PHF20: variants seen among roughly 807,000 people sequenced by gnomAD.
The protein encoded by PHF20 is PHD finger protein 20, also known as glioma-expressed antigen 2.
A neutral mutation model predicts 113.5 loss-of-function variants in PHF20; 23 were observed. That is an observed-to-expected ratio of 0.20 (90% CI 0.15 to 0.29). The LOEUF is 0.29. PHF20 is among the 10% of genes least tolerant of loss of function. PHF20 has a pLI of 1.00. For synonymous variants in PHF20, 434 were observed against 457.3 expected (o/e 0.95, Z 0.65); for missense variants, 943 against 1,219.6 (o/e 0.77, Z 3.38).
At chr20:35,913,903 C>G in intron 11 of PHF20, 130 bp from the exon 12 acceptor site, 1 of 825,590 alleles carries the variant, frequency 1.2e-6, no homozygotes, top group Non-Finnish European at 1.9e-6. Context: ...CTCCACACCT[C>G]TTTTTGGTTG....
At chr20:35,832,075 C>G (rs1362347942) in intron 2 of PHF20, among the ~76,000 whole-genome samples, 3 of 152,162 alleles carry the variant, frequency 2.0e-5, no homozygotes, top group Non-Finnish European at 4.4e-5. Flanking sequence ...TCCTTGTCCT[C>G]TTTTTTGCCT....
chr20:35,871,217 C>G, intron 8 of PHF20, 83 bp downstream of exon 8: 1 of 1,100,500 alleles, frequency 9.1e-7, no homozygotes, highest in Admixed American at 2.3e-5. Context: ...GTTCTGCCTT[C>G]CACAAGTATT....
intron 6 of PHF20, among the ~76,000 whole-genome samples, chr20:35,866,433 C>A (rs1289406021): frequency 6.6e-6 from 1 of 152,124 alleles, no homozygotes; most frequent in Non-Finnish European, 1.5e-5. Context: ...GAAAATATAT[C>A]TCTGTTCAGA....
In PHF20 at chr20:35,941,524, C is replaced by T. The variant is rs2055979492; in HGVS notation, c.2896+477C>T. ...ATTTGCCTGAGTCATTTGTATAGCC[C>T]TGAGTATTCCTTCCAGATATTGGTG... On this transcript the variant is annotated intron_variant, in intron 17 of 17. Coordinates refer to ENST00000374012, the MANE Select transcript of PHF20 (RefSeq NM_016436.5). Among the ~76,000 whole-genome samples, 2 of 152,190 alleles carry T rather than the reference C, an allele frequency of 1.3e-5. 1 individual carries two copies. Among genetic ancestry groups the T allele is most frequent in the Non-Finnish European group, 2.9e-5 (2 of 68,042 alleles).
chr20:35,922,564 T>C (rs983696215), intron 13 of PHF20, among the ~76,000 whole-genome samples: 1 of 152,224 alleles, frequency 6.6e-6, no homozygotes, highest in Non-Finnish European at 1.5e-5. Context: ...TTTTATCTTA[T>C]TTACCAGTGC....
intron 9 of PHF20, among the ~76,000 whole-genome samples, chr20:35,896,876 C>T (rs975423657): frequency 1.3e-5 from 2 of 150,094 alleles, no homozygotes; most frequent in South Asian, 4.2e-4. Flanking sequence ...TTGCCTTCTG[C>T]TTATTTGTCT....
At chr20:35,837,246 A>G (rs2042459471) in intron 2 of PHF20, among the ~76,000 whole-genome samples, 1 of 152,218 alleles carries the variant, frequency 6.6e-6, no homozygotes, top group South Asian at 2.1e-4. Flanking sequence ...TTTTACTTAT[A>G]CAAGTAATAT....
intron 1 of PHF20, among the ~76,000 whole-genome samples, chr20:35,791,531 AAT>A (rs2041553721): frequency 7.6e-6 from 1 of 131,228 alleles, no homozygotes; most frequent in Non-Finnish European, 1.5e-5. Flanking sequence ...TATATCTTAG[AAT>A]AGTGTATATA....
chr20:35,926,260 C>T (rs1311548067), intron 13 of PHF20, among the ~76,000 whole-genome samples: 229 of 83,764 alleles, frequency 2.7e-3, no homozygotes, highest in Middle Eastern at 0.015. Context: ...TTTTTTGAGA[C>T]GGAGTCTCGC....
Position 35,913,343 on chromosome 20 carries a change from A to G in PHF20, c.1656A>G (p.Lys552=). ...AAAAGAAAAAGAAAAAGAAAACCAA[A>G]CCTGGTAATTTTTTTTCCTGAGGGT... is the stretch of plus-strand genomic sequence containing the variant. ...KKKKKKKKKT[K]PECPCSEEIS... The change falls in exon 11 of 18, where the codon AAA becomes AAG. Residue 552 remains lysine (K), a synonymous_variant. Transcript: ENST00000374012. The G allele has an allele frequency of 6.3e-7, 1 of 1,584,320 alleles. No homozygotes were observed.
intron 9 of PHF20, among the ~76,000 whole-genome samples, chr20:35,876,720 T>C (rs113344726): frequency 0.05 from 7,378 of 146,938 alleles, 229 homozygotes; most frequent in African/African-American, 0.1. Context: ...CCTGTAATTC[T>C]AGCACTTTGG....
chr20:35,833,505 A>G (rs2042388481), intron 2 of PHF20, among the ~76,000 whole-genome samples: 1 of 152,148 alleles, frequency 6.6e-6, no homozygotes, highest in African/African-American at 2.4e-5. Context: ...TCACTGGTTT[A>G]TTTTGATGAT....
chr20:35,811,946 T>C (rs1168548895), intron 2 of PHF20, among the ~76,000 whole-genome samples: 2 of 151,356 alleles, frequency 1.3e-5, no homozygotes, highest in Non-Finnish European at 2.9e-5. Flanking sequence ...AATTTTTTTG[T>C]ATTTTTTTAA....
At chr20:35,845,394 C>A in intron 3 of PHF20, 1 of 396,064 alleles carries the variant, frequency 2.5e-6, no homozygotes, top group South Asian at 1.8e-5. Context: ...GAGACGTTTT[C>A]TTGCTCTGTC....
At chr20:35,881,303 C>A (rs969921226) in intron 9 of PHF20, among the ~76,000 whole-genome samples, 1 of 151,844 alleles carries the variant, frequency 6.6e-6, no homozygotes, top group African/African-American at 2.4e-5. Flanking sequence ...GGTGATCCAC[C>A]CACCTTGGCC....
At chr20:35,818,658 C>T (rs112273033) in intron 2 of PHF20, among the ~76,000 whole-genome samples, 7,274 of 152,216 alleles carry the variant, frequency 0.048, 213 homozygotes, top group African/African-American at 0.089. Context: ...ACCTCAGCCT[C>T]CTGAGTAGGC....
intron 13 of PHF20, among the ~76,000 whole-genome samples, chr20:35,919,942 A>C (rs2055479417): frequency 6.6e-6 from 1 of 152,186 alleles, no homozygotes; most frequent in South Asian, 2.1e-4. Context: ...AAACTACAAA[A>C]CCATTTGACA....
rs1043491689 is a variant in PHF20, at chr20:35,793,384, C to T, written c.-32-8107C>T. Among the ~76,000 whole-genome samples, 6 of 151,620 alleles carry T rather than the reference C, an allele frequency of 4.0e-5. No individual in the cohort carries two copies. In the East Asian group the frequency reaches 7.8e-4, roughly 20 times the overall value. ...GCATGATCTTGGCTCACTGCAACCT[C>T]CACCTCCTGGGTTCAAGCAATTCTC... is the stretch of plus-strand genomic sequence containing the variant. On this transcript the variant is annotated intron_variant, in intron 1 of 17. Coordinates refer to ENST00000374012, the MANE Select transcript of PHF20 (RefSeq NM_016436.5).
chr20:35,908,843 T>G (rs2055246045), intron 10 of PHF20, among the ~76,000 whole-genome samples: 1 of 152,234 alleles, frequency 6.6e-6, no homozygotes, highest in Non-Finnish European at 1.5e-5. Flanking sequence ...TATTCATTGC[T>G]GGCATATAGA....
Sources: gnomAD v4.1 joint callset for allele counts (sites outside exome capture counted in the v4.1 genomes callset) on GRCh38, gnomAD v4.1.1 for gene constraint, MANE v1.5 for transcripts, NCBI Gene and HGNC (gene_info 2026-07-23, HGNC 2026-07-21) for gene names.